DEPDC4: variants seen among roughly 807,000 people sequenced by gnomAD.
DEPDC4 encodes DEP domain-containing protein 4.
Under a neutral mutation model 52.0 loss-of-function variants are expected in DEPDC4, and 52 were observed. The ratio of observed to expected loss-of-function variants is 1.00; its 90% CI spans 0.80 to 1.26. The LOEUF (loss-of-function observed/expected upper bound fraction) is 1.26, where lower values mean the gene tolerates loss of function less well. DEPDC4 is among the 50% of genes most tolerant of loss of function. DEPDC4 has a pLI of 0.00. For synonymous variants in DEPDC4, 201 were observed against 196.8 expected (o/e 1.02, Z -0.18); for missense variants, 530 against 546.9 (o/e 0.97, Z 0.31).
downstream of DEPDC4, among the ~76,000 whole-genome samples, chr12:100,236,016 C>A (rs4764970): frequency 0.74 from 113,296 of 152,160 alleles, 43,345 homozygotes; most frequent in East Asian, 0.99. Context: ...TGCGAATGCC[C>A]TTAATTCATT....
upstream of DEPDC4, chr12:100,267,269 CGGA>C (rs2096278643): frequency 1.7e-6 from 1 of 598,654 alleles, no homozygotes; most frequent in Non-Finnish European, 2.9e-6. Flanking sequence ...GCGGGGGCGG[CGGA>C]GGATATGGAG....
chr12:100,275,923 A>G, the DEPDC4 span, among the ~76,000 whole-genome samples: 3 of 152,044 alleles, frequency 2.0e-5, no homozygotes, highest in Non-Finnish European at 2.9e-5. Context: ...TTCTGCCTCT[A>G]CTGAGATTAT....
chr12:100,277,748 A>G, the DEPDC4 span, among the ~76,000 whole-genome samples: 2 of 151,940 alleles, frequency 1.3e-5, no homozygotes, highest in Admixed American at 1.3e-4. Flanking sequence ...CTTGCTATTT[A>G]TTTTGTATTT....
upstream of DEPDC4, among the ~76,000 whole-genome samples, chr12:100,269,641 G>C (rs2096285121): frequency 6.6e-6 from 1 of 152,092 alleles, no homozygotes; most frequent in Non-Finnish European, 1.5e-5. Flanking sequence ...TTGTAGATTA[G>C]AAATAGTGTT....
chr12:100,262,414 TAAAA>T lies in DEPDC4; in HGVS notation c.555-9_555-6del. The T allele has an allele frequency of 6.3e-7, 1 of 1,588,694 alleles. No individual in the cohort carries two copies. The highest frequency in any genetic ancestry group is 8.5e-7 in the Non-Finnish European group (1 of 1,173,684). ...GAAATCATTTCATATCCTGGTCTGT[TAAAA>T]AATAATACGTGGCTCTTTTCATTAT... On this transcript the variant is annotated splice_region_variant and splice_polypyrimidine_tract_variant and intron_variant, in intron 2 of 9. Transcript: ENST00000550587.
upstream of DEPDC4, among the ~76,000 whole-genome samples, chr12:100,270,615 G>A (rs1320010911): frequency 7.0e-6 from 1 of 143,554 alleles, no homozygotes; most frequent in East Asian, 2.0e-4. Context: ...GAAATTTCAT[G>A]TTGCTTTCTT....
intron 2 of DEPDC4, 113 bp downstream of exon 2, chr12:100,263,384 A>ATT: frequency 1.1e-5 from 8 of 738,564 alleles, no homozygotes; most frequent in South Asian, 5.1e-5. Flanking sequence ...TTTCACATGG[A>ATT]TTTTTTTTTT....
At chr12:100,260,065 T>C (rs975331454) in intron 3 of DEPDC4, among the ~76,000 whole-genome samples, 2 of 152,060 alleles carry the variant, frequency 1.3e-5, no homozygotes, top group East Asian at 3.9e-4. Flanking sequence ...GCATAACAAA[T>C]TGCTTAGCAC....
intron 7 of DEPDC4, 108 bp from the exon 8 acceptor site, chr12:100,249,086 G>A (rs1307415507): frequency 3.5e-6 from 1 of 285,234 alleles, no homozygotes; most frequent in African/African-American, 2.3e-5. Context: ...AGTAGAGGGA[G>A]AGGATTGTAG....
chr12:100,278,246 C>G, the DEPDC4 span, among the ~76,000 whole-genome samples: 1 of 152,046 alleles, frequency 6.6e-6, no homozygotes, highest in East Asian at 1.9e-4. Flanking sequence ...GTCACCCGGG[C>G]TGGAGTGCAG....
At chr12:100,234,808 C>T (rs1350588269) in intron 9 of DEPDC4, among the ~76,000 whole-genome samples, 1 of 152,118 alleles carries the variant, frequency 6.6e-6, no homozygotes, top group Non-Finnish European at 1.5e-5. Context: ...GTAAGTCCCT[C>T]CAAACTGTTT....
intron 3 of DEPDC4, among the ~76,000 whole-genome samples, chr12:100,259,423 G>A (rs2096246197): frequency 1.3e-5 from 2 of 152,092 alleles, no homozygotes; most frequent in African/African-American, 4.8e-5. Context: ...GTGTATGAAT[G>A]TAAAAAACCA....
rs541898817 is a variant in DEPDC4 at position 100,240,790 on chromosome 12, C to T, written c.*1102G>A. Among the ~76,000 whole-genome samples, 5 of 152,156 alleles carry T rather than the reference C, an allele frequency of 3.3e-5. No homozygotes were observed. The highest frequency in any genetic ancestry group is 2.1e-4 in the South Asian group (1 of 4,830). ...TCATGTGGCCGGGTGTGGTGGCTCA[C>T]GCCTGTAATCCCAGCACCTTGGGAG... On this transcript the variant is annotated 3_prime_UTR_variant, in exon 10 of 10. Coordinates refer to ENST00000550587, the MANE Select transcript of DEPDC4 (RefSeq NM_001364818.2).
Position 100,256,135 on chromosome 12 carries a change from TTG to T in DEPDC4, c.790_791del (p.Gln264LysfsTer14), listed in dbSNP as rs1438176055. The T allele has an allele frequency of 6.2e-7, 1 of 1,613,228 alleles. No individual in the cohort carries two copies. Among genetic ancestry groups the T allele is most frequent in the Non-Finnish European group, 8.5e-7 (1 of 1,179,384 alleles). ...CTTCCTCTTTGTTTAGTTGAAGATTTTGTGTTTTAACTGGAGGCTCCAAAATA... is the reference window on the plus strand; with the variant it reads ...CTTCCTCTTTGTTTAGTTGAAGATTTTGTTTTAACTGGAGGCTCCAAAATA... ...DNILEPPVKT[Q>X]NLQLNKEEDL... On this transcript the variant is annotated frameshift_variant, in exon 4 of 10. Coordinates refer to ENST00000550587, the MANE Select transcript of DEPDC4 (RefSeq NM_001364818.2). LOFTEE classifies it high-confidence loss of function.
the DEPDC4 span, among the ~76,000 whole-genome samples, chr12:100,273,109 C>T: frequency 6.6e-6 from 1 of 152,086 alleles, no homozygotes; most frequent in Non-Finnish European, 1.5e-5. Flanking sequence ...AGTGATTGAT[C>T]ATCTTACTGA....
the DEPDC4 span, among the ~76,000 whole-genome samples, chr12:100,276,744 A>C: frequency 6.6e-6 from 1 of 151,836 alleles, no homozygotes; most frequent in Non-Finnish European, 1.5e-5. Context: ...TTTCTCTATT[A>C]AATAAAGTAT....
intron 1 of DEPDC4, among the ~76,000 whole-genome samples, chr12:100,265,881 A>G (rs1453266125): frequency 6.6e-6 from 1 of 152,214 alleles, no homozygotes; most frequent in Non-Finnish European, 1.5e-5. Flanking sequence ...CTTGGGGAAG[A>G]AGGATTGTAA....
intron 5 of DEPDC4, 103 bp from the exon 6 acceptor site, chr12:100,252,639 T>C: frequency 8.7e-7 from 1 of 1,154,346 alleles, no homozygotes; most frequent in Admixed American, 2.9e-5. Context: ...GTTGTATTAG[T>C]TTGCAGGTTC....
chr12:100,271,354 A>G (rs1297528504), upstream of DEPDC4, among the ~76,000 whole-genome samples: 1 of 152,020 alleles, frequency 6.6e-6, no homozygotes, highest in Admixed American at 6.5e-5. Flanking sequence ...TGGGAGTATA[A>G]GCACACGTAT....
Sources: allele counts gnomAD v4.1 joint callset (sites outside exome capture counted in the v4.1 genomes callset), GRCh38; gene constraint gnomAD v4.1.1; transcripts MANE v1.5; gene names NCBI Gene and HGNC (gene_info 2026-07-23, HGNC 2026-07-21).